ANAPC5: variants seen among roughly 807,000 people sequenced by gnomAD.
ANAPC5 encodes anaphase-promoting complex subunit 5.
ANAPC5 carries 60 observed loss-of-function variants against 91.3 expected under a neutral mutation model. The ratio of observed to expected loss-of-function variants is 0.66; its 90% CI spans 0.53 to 0.81. ANAPC5 has a LOEUF of 0.81. Ranked by LOEUF, ANAPC5 falls within the 40% of genes least tolerant of loss-of-function variation. The pLI is 0.00. For synonymous variants in ANAPC5, 340 were observed against 364.1 expected (o/e 0.93, Z 0.75); for missense variants, 690 against 931.5 (o/e 0.74, Z 3.37).
intron 15 of ANAPC5, among the ~76,000 whole-genome samples, chr12:121,310,663 G>A (rs1458874735): frequency 1.3e-5 from 2 of 152,178 alleles, no homozygotes; most frequent in African/African-American, 4.8e-5. Context: ...GGCAGGCGCA[G>A]TGGCTCACAT....
At chr12:121,334,385 T>G (rs1555273197) in intron 7 of ANAPC5, 3 of 152,206 alleles carry the variant, frequency 2.0e-5, no homozygotes, top group African/African-American at 4.8e-5. Flanking sequence ...CTGTGAACAC[T>G]ATGCTCCCAT....
chr12:121,328,290 C>T, intron 10 of ANAPC5, 26 bp downstream of exon 10: 3 of 1,608,696 alleles, frequency 1.9e-6, no homozygotes, highest in Non-Finnish European at 8.5e-7. Context: ...AAAGAATTCA[C>T]ACCCCCAGGG....
intron 4 of ANAPC5, among the ~76,000 whole-genome samples, chr12:121,343,531 G>A (rs1903539447): frequency 6.6e-6 from 1 of 152,216 alleles, no homozygotes; most frequent in South Asian, 2.1e-4. Flanking sequence ...GGATCTGACT[G>A]CAGAGCCAGA....
chr12:121,339,119 A>C (rs1319804211), intron 5 of ANAPC5, among the ~76,000 whole-genome samples: 1 of 150,070 alleles, frequency 6.7e-6, no homozygotes, highest in Admixed American at 6.7e-5. Context: ...CAGTGGCACA[A>C]TCTTGGCTCA....
intron 15 of ANAPC5, among the ~76,000 whole-genome samples, chr12:121,311,353 A>G (rs1433424981): frequency 6.6e-6 from 1 of 152,262 alleles, no homozygotes; most frequent in Admixed American, 6.5e-5. Context: ...TGGAGTGCCT[A>G]TATGAGTATC....
At chr12:121,350,578 G>A (rs1177832172) in intron 1 of ANAPC5, among the ~76,000 whole-genome samples, 4 of 152,102 alleles carry the variant, frequency 2.6e-5, no homozygotes, top group African/African-American at 9.7e-5. Flanking sequence ...CTACTCCGGA[G>A]GCTGAGGCAG....
chr12:121,327,507 T>G (rs1439200745), intron 10 of ANAPC5: 3 of 390,140 alleles, frequency 7.7e-6, no homozygotes, highest in Non-Finnish European at 1.3e-5. Flanking sequence ...CCATGTTCCC[T>G]GCAGTCATAG....
intron 5 of ANAPC5, among the ~76,000 whole-genome samples, chr12:121,337,805 CA>C (rs1419462067): frequency 6.6e-6 from 1 of 152,062 alleles, no homozygotes; most frequent in Non-Finnish European, 1.5e-5. Context: ...GTGGCACTAT[CA>C]AACTATAGTA....
At chr12:121,354,028 G>A (rs1234180460), upstream of ANAPC5, among the ~76,000 whole-genome samples, 2 of 140,862 alleles carry the variant, frequency 1.4e-5, no homozygotes, top group African/African-American at 5.3e-5. Flanking sequence ...TTGCTCTGTC[G>A]CCCAGTCTGG....
chr12:121,326,060 C>T (rs1462217614), intron 11 of ANAPC5, among the ~76,000 whole-genome samples: 1 of 152,142 alleles, frequency 6.6e-6, no homozygotes, highest in African/African-American at 2.4e-5. Flanking sequence ...CCTCAGAAAA[C>T]ATGGGCAGTG....
chr12:121,322,967 G>A (rs572975233), intron 11 of ANAPC5, among the ~76,000 whole-genome samples: 115 of 152,220 alleles, frequency 7.6e-4, no homozygotes, highest in African/African-American at 2.6e-3. Flanking sequence ...AGAGGTTGCA[G>A]TGAGCTGAGA....
Position 121,319,838 on chromosome 12 carries a change from CAATT to C in ANAPC5, c.1516-24_1516-21del, listed in dbSNP as rs779361901. ...CCATAACTAGTAAGAAAAAAAAACA[CAATT>C]AAGTACAAAATGGCGAATGTTCATC... On this transcript the variant is annotated intron_variant, in intron 12 of 16. Transcript: ENST00000261819. The C allele has an allele frequency of 7.0e-6, 11 of 1,581,374 alleles. No individual in the cohort carries two copies. Among genetic ancestry groups the C allele is most frequent in the African/African-American group, 5.4e-5 (4 of 73,424 alleles).
rs1178659356 is a variant in ANAPC5, at chr12:121,314,623, A to G, written c.1893+3654T>C. On this transcript the variant is annotated intron_variant, in intron 15 of 16. Coordinates refer to ENST00000261819, the MANE Select transcript of ANAPC5 (RefSeq NM_016237.5). Reference sequence around the variant, plus strand: ...CTACAGGAACAAAATAAGGACATACACTTTTTTTTTTTTTGAGAGGGAGTC... The same window carrying G: ...CTACAGGAACAAAATAAGGACATACGCTTTTTTTTTTTTTGAGAGGGAGTC... Among the ~76,000 whole-genome samples, 4 of 148,472 alleles carry G rather than the reference A, an allele frequency of 2.7e-5. No homozygotes were observed. The East Asian group carries it at 8.2e-4, about 30-fold the overall frequency.
Position 121,328,492 on chromosome 12 carries a change from G to A in ANAPC5, c.1128C>T (p.Leu376=). The change falls in exon 10 of 17, where the codon CTC becomes CTT. Residue 376 remains leucine, a synonymous_variant. Transcript: ENST00000261819. ...KKAVHFGLPY[L]ASLGIQSLVQ... The stretch of plus-strand genomic sequence containing the variant: ...CAAGGGACTGTATTCCCAGGGAGGC[G>A]AGGTACTAAGGGGACAGATATACCC... The A allele has an allele frequency of 6.2e-7, 1 of 1,613,758 alleles. No individual in the cohort carries two copies. The highest frequency in any genetic ancestry group is 8.5e-7 in the Non-Finnish European group (1 of 1,179,926).
chr12:121,319,072 ATG>A, intron 13 of ANAPC5, among the ~76,000 whole-genome samples: 1 of 151,424 alleles, frequency 6.6e-6, no homozygotes, highest in South Asian at 2.1e-4. Flanking sequence ...GTGTGTATGA[ATG>A]TGTGTGTGAG....
chr12:121,330,078 G>C (rs1902981624), intron 9 of ANAPC5, among the ~76,000 whole-genome samples: 1 of 152,120 alleles, frequency 6.6e-6, no homozygotes, highest in Admixed American at 6.6e-5. Flanking sequence ...TTGTGTAAAG[G>C]GCCAGAGAGT....
chr12:121,339,123 T>C (rs974978538), intron 5 of ANAPC5, among the ~76,000 whole-genome samples: 1 of 151,162 alleles, frequency 6.6e-6, no homozygotes, highest in African/African-American at 2.4e-5. Context: ...GGCACAATCT[T>C]GGCTCACTGC....
intron 11 of ANAPC5, among the ~76,000 whole-genome samples, chr12:121,324,660 G>T (rs1902742590): frequency 6.6e-6 from 1 of 152,188 alleles, no homozygotes; most frequent in African/African-American, 2.4e-5. Context: ...GGGAGGCCAA[G>T]GCAGGAAGAT....
chr12:121,339,659 G>GGCT (rs1345604824), intron 5 of ANAPC5, among the ~76,000 whole-genome samples: 1 of 151,830 alleles, frequency 6.6e-6, no homozygotes, highest in Non-Finnish European at 1.5e-5. Flanking sequence ...AATAGAGACG[G>GGCT]GGTTTCACCA....
Sources: allele counts gnomAD v4.1 joint callset (sites outside exome capture counted in the v4.1 genomes callset), GRCh38; gene constraint gnomAD v4.1.1; transcripts MANE v1.5; gene names NCBI Gene and HGNC (gene_info 2026-07-23, HGNC 2026-07-21).